Variants in PPP2R2B observed in about 807,000 individuals in gnomAD.
PPP2R2B encodes protein phosphatase 2 regulatory subunit Bbeta, also known as serine/threonine-protein phosphatase 2A 55 kDa regulatory subunit B beta isoform.
In PPP2R2B, 5 loss-of-function variants were observed where a neutral mutation model predicts 46.0. The observed-to-expected ratio is 0.11, with a 90% CI of 0.06 to 0.23. The LOEUF (loss-of-function observed/expected upper bound fraction) is 0.23, where lower values mean the gene tolerates loss of function less well. PPP2R2B is among the 10% of genes least tolerant of loss of function. The pLI is 1.00. For missense variants in PPP2R2B, 367 were observed against 575.0 expected (o/e 0.64, Z 3.70); for synonymous variants, 215 against 206.7 (o/e 1.04, Z -0.34).
At chr5:146,644,261 A>AAAAG (rs1554118466) in intron 6 of PPP2R2B, among the ~76,000 whole-genome samples, 9 of 76,110 alleles carry the variant, frequency 1.2e-4, no homozygotes, top group African/African-American at 3.6e-4. Flanking sequence ...AAAAAAAAAA[A>AAAAG]AAGAAGAAGA....
intron 2 of PPP2R2B, among the ~76,000 whole-genome samples, chr5:146,766,774 TG>T (rs1303740045): frequency 6.6e-6 from 1 of 151,582 alleles, no homozygotes; most frequent in African/African-American, 2.4e-5. Context: ...TGGCAGAAGG[TG>T]GGGCACGGTG....
Position 146,842,461 on chromosome 5 carries a change from C to CA in PPP2R2B, c.70+35540dup, listed in dbSNP as rs1759712531. Among the ~76,000 whole-genome samples, 15 of 146,770 alleles carry CA rather than the reference C, an allele frequency of 1.0e-4. No homozygotes were observed. The South Asian group carries it at 3.2e-3, about 32-fold the overall frequency. ...AAAAGGAAAAAAAAAAGACATACTT[C>CA]AAAAAAATACCTCCATGCCCTTTTT... On this transcript the variant is annotated intron_variant, in intron 2 of 9. Transcript: ENST00000394411.
chr5:147,046,206 T>C (rs563600450), intron 1 of PPP2R2B, among the ~76,000 whole-genome samples: 1 of 152,180 alleles, frequency 6.6e-6, no homozygotes, highest in Non-Finnish European at 1.5e-5. Flanking sequence ...AATAAATAAA[T>C]GAATAATTGC....
In PPP2R2B at chr5:146,649,630, A is replaced by G. The variant is rs181263524; in HGVS notation, c.625+917T>C. 5.3e-3 allele frequency among the ~76,000 whole-genome samples: 813 copies of G among 152,024 alleles called. 11 individuals carry two copies. Among genetic ancestry groups the G allele is most frequent in the African/African-American group, 0.018 (752 of 41,498 alleles). On this transcript the variant is annotated intron_variant, in intron 6 of 9. Coordinates refer to ENST00000394411, the MANE Select transcript of PPP2R2B (RefSeq NM_181675.4). ...TGGCTAATTTCTTTTTTGTATTTTT[A>G]GTAAAGTTGGGGCCTTGCCACGTTG... is the stretch of plus-strand genomic sequence containing the variant.
chr5:146,643,048 C>T (rs1376656670), intron 6 of PPP2R2B, among the ~76,000 whole-genome samples: 1 of 152,120 alleles, frequency 6.6e-6, no homozygotes, highest in Admixed American at 6.5e-5. Context: ...CACAGCCAGA[C>T]CCTGTATTGA....
intron 2 of PPP2R2B, among the ~76,000 whole-genome samples, chr5:146,726,433 G>C (rs1429439279): frequency 6.6e-6 from 1 of 152,100 alleles, no homozygotes; most frequent in Non-Finnish European, 1.5e-5. Flanking sequence ...GTATGGCCAA[G>C]TATAAACACA....
chr5:147,044,583 C>CT (rs564720477), intron 1 of PPP2R2B, among the ~76,000 whole-genome samples: 103 of 152,152 alleles, frequency 6.8e-4, no homozygotes, highest in African/African-American at 2.4e-3. Context: ...CAGTATCATG[C>CT]TTTTTTTATT....
chr5:147,057,242 C>T (rs550279935), upstream of PPP2R2B, among the ~76,000 whole-genome samples: 7 of 152,282 alleles, frequency 4.6e-5, no homozygotes, highest in East Asian at 1.2e-3. Flanking sequence ...CTGGCAGTGT[C>T]GGGCCATTTA....
At chr5:146,804,569 C>T (rs161040) in intron 2 of PPP2R2B, among the ~76,000 whole-genome samples, 136,840 of 152,226 alleles carry the variant, frequency 0.9, 61,628 homozygotes, top group African/African-American at 0.94. Flanking sequence ...AATAAATATT[C>T]GCCGGATGGA....
At chr5:146,938,397 T>C (rs549497989) in intron 1 of PPP2R2B, among the ~76,000 whole-genome samples, 14 of 152,182 alleles carry the variant, frequency 9.2e-5, no homozygotes, top group Non-Finnish European at 1.9e-4. Context: ...TACACATTTC[T>C]GGATGGCAAT....
chr5:147,035,803 A>T (rs956506201), intron 1 of PPP2R2B, among the ~76,000 whole-genome samples: 5 of 152,128 alleles, frequency 3.3e-5, no homozygotes, highest in African/African-American at 1.2e-4. Flanking sequence ...TGAAGGGAAA[A>T]AAAAACAGTT....
chr5:146,737,457 T>C, intron 2 of PPP2R2B, among the ~76,000 whole-genome samples: 1 of 152,196 alleles, frequency 6.6e-6, no homozygotes, highest in East Asian at 1.9e-4. Context: ...CTTTAACACT[T>C]AGCACATTGC....
intron 2 of PPP2R2B, among the ~76,000 whole-genome samples, chr5:146,707,898 ATTTTCTTATGGTCT>A (rs1269588579): frequency 1.3e-5 from 2 of 152,032 alleles, no homozygotes; most frequent in African/African-American, 4.8e-5. Context: ...TACATAATTT[ATTTTCTTATGGTCT>A]TTTTCTAAAT....
At chr5:146,829,622 A>G (rs1481099464) in intron 2 of PPP2R2B, among the ~76,000 whole-genome samples, 1 of 152,296 alleles carries the variant, frequency 6.6e-6, no homozygotes, top group Non-Finnish European at 1.5e-5. Flanking sequence ...CCTATTTCAT[A>G]GAGACACCAT....
chr5:146,642,532 G>T (rs1775288803), intron 6 of PPP2R2B, among the ~76,000 whole-genome samples: 1 of 152,114 alleles, frequency 6.6e-6, no homozygotes, highest in Non-Finnish European at 1.5e-5. Flanking sequence ...TCATTAAATT[G>T]TTTTTGCAGT....
intron 2 of PPP2R2B, among the ~76,000 whole-genome samples, chr5:146,726,015 A>G (rs3844538): frequency 6.6e-6 from 1 of 152,186 alleles, no homozygotes; most frequent in Non-Finnish European, 1.5e-5. Context: ...AATCTCATGT[A>G]CATTATAAAT....
At chr5:146,877,523 T>G (rs367655244) in intron 2 of PPP2R2B, among the ~76,000 whole-genome samples, 1 of 152,080 alleles carries the variant, frequency 6.6e-6, no homozygotes, top group East Asian at 1.9e-4. Context: ...GGGTTTTGAT[T>G]GTCTAAGCAG....
chr5:146,969,877 C>T (rs1486707734), intron 1 of PPP2R2B, among the ~76,000 whole-genome samples: 1 of 152,178 alleles, frequency 6.6e-6, no homozygotes, highest in Non-Finnish European at 1.5e-5. Context: ...TTACATTTAT[C>T]GCAGTGAATG....
At chr5:146,951,057 G>T (rs1764636745) in intron 1 of PPP2R2B, among the ~76,000 whole-genome samples, 1 of 151,848 alleles carries the variant, frequency 6.6e-6, no homozygotes, top group Non-Finnish European at 1.5e-5. Context: ...CCAGGCAAAT[G>T]GCCCTTCTAT....
Sources: allele counts gnomAD v4.1 joint callset (sites outside exome capture counted in the v4.1 genomes callset), GRCh38; gene constraint gnomAD v4.1.1; transcripts MANE v1.5; gene names NCBI Gene and HGNC (gene_info 2026-07-23, HGNC 2026-07-21).